The following ADAMTSL1 variants were observed in gnomAD, a reference collection of about 807,000 sequenced individuals.
ADAMTSL1 encodes ADAMTS-like protein 1.
Under a neutral mutation model 201.8 loss-of-function variants are expected in ADAMTSL1, and 126 were observed. The observed-to-expected ratio is 0.62, with a 90% CI of 0.54 to 0.72. The LOEUF (loss-of-function observed/expected upper bound fraction) is 0.72, where lower values mean the gene tolerates loss of function less well. ADAMTSL1 is among the 30% of genes least tolerant of loss of function. The pLI is 0.00. For missense variants in ADAMTSL1, 2,679 were observed against 2,277.8 expected, an observed-to-expected ratio of 1.18 and a Z score of -3.59; for synonymous variants, 1,121 against 903.4, an observed-to-expected ratio of 1.24 and a Z score of -4.32.
At chr9:18,776,014 C>A in intron 18 of ADAMTSL1, 118 bp downstream of exon 18, 1 of 1,328,392 alleles carries the variant, frequency 7.5e-7, no homozygotes, top group African/African-American at 1.5e-5. Flanking sequence ...GACAGTAGAA[C>A]CCCATGGAGG....
At chr9:18,376,322 G>A (rs538757511) in intron 2 of ADAMTSL1, among the ~76,000 whole-genome samples, 25 of 152,312 alleles carry the variant, frequency 1.6e-4, no homozygotes, top group Non-Finnish European at 3.1e-4. Flanking sequence ...ATGCAAGATT[G>A]CAAGGAAATG....
At chr9:18,400,133 A>C (rs778308688) in intron 2 of ADAMTSL1, among the ~76,000 whole-genome samples, 1 of 109,330 alleles carries the variant, frequency 9.1e-6, no homozygotes, top group African/African-American at 3.3e-5. Flanking sequence ...CCCTCTTTCC[A>C]AAGCCATTAA....
intron 4 of ADAMTSL1, among the ~76,000 whole-genome samples, chr9:18,614,100 G>A (rs2132623856): frequency 6.6e-6 from 1 of 152,286 alleles, no homozygotes; most frequent in East Asian, 1.9e-4. Flanking sequence ...TTGAAGAACA[G>A]CAAAGAGACT....
intron 2 of ADAMTSL1, among the ~76,000 whole-genome samples, chr9:18,411,443 C>T (rs1052028610): frequency 6.6e-6 from 1 of 152,110 alleles, no homozygotes; most frequent in Non-Finnish European, 1.5e-5. Context: ...AAGTGATCCA[C>T]CCACCTTGGC....
intron 1 of ADAMTSL1, among the ~76,000 whole-genome samples, chr9:18,040,199 T>A (rs1324047735): frequency 6.6e-6 from 1 of 152,172 alleles, no homozygotes; most frequent in East Asian, 1.9e-4. Flanking sequence ...TTCCCTTAAA[T>A]TGTGAATAAG....
chr9:18,677,924 G>A (rs1247641889), intron 10 of ADAMTSL1, among the ~76,000 whole-genome samples: 12 of 151,968 alleles, frequency 7.9e-5, no homozygotes, highest in Admixed American at 5.9e-4. Context: ...GTTTTCATTC[G>A]TAAGAAGAAT....
chr9:18,758,424 T>C (rs1819891659), intron 16 of ADAMTSL1, among the ~76,000 whole-genome samples: 1 of 152,194 alleles, frequency 6.6e-6, no homozygotes, highest in Non-Finnish European at 1.5e-5. Flanking sequence ...ACTTACTCTC[T>C]TATAGTTCTG....
chr9:18,193,130 T>G (rs913483256), intron 2 of ADAMTSL1, among the ~76,000 whole-genome samples: 1 of 152,100 alleles, frequency 6.6e-6, no homozygotes, highest in Admixed American at 6.6e-5. Context: ...CTGCTCTTGT[T>G]TGGGTTTCCC....
At chr9:18,683,597 G>C (rs542723579) in intron 12 of ADAMTSL1, among the ~76,000 whole-genome samples, 1 of 152,168 alleles carries the variant, frequency 6.6e-6, no homozygotes. Flanking sequence ...GTGTTGCTGT[G>C]TTTAAAATGT....
chr9:17,938,427 C>A (rs900911372), intron 1 of ADAMTSL1, among the ~76,000 whole-genome samples: 1 of 152,098 alleles, frequency 6.6e-6, no homozygotes, highest in African/African-American at 2.4e-5. Context: ...GGTACTATGC[C>A]GGGCATCTTT....
chr9:18,718,220 A>C (rs1344754833), intron 14 of ADAMTSL1: 2 of 769,042 alleles, frequency 2.6e-6, no homozygotes, highest in African/African-American at 3.4e-5. Flanking sequence ...CAGTGTCTTT[A>C]ACTCAAAGAA....
At chr9:18,505,296 T>C (rs1025817868) in intron 2 of ADAMTSL1, among the ~76,000 whole-genome samples, 8 of 152,246 alleles carry the variant, frequency 5.3e-5, no homozygotes, top group African/African-American at 1.9e-4. Context: ...CTATGACATA[T>C]TGTACAGTAT....
At chr9:18,210,994 A>G (rs1207368270) in intron 2 of ADAMTSL1, among the ~76,000 whole-genome samples, 1 of 151,766 alleles carries the variant, frequency 6.6e-6, no homozygotes, top group Admixed American at 6.6e-5. Flanking sequence ...GACAGAGGAG[A>G]GAAGCGACAA....
rs533100862 is a variant in ADAMTSL1 at position 18,839,804 on chromosome 9, C to T, written c.4249+9827C>T. Among the ~76,000 whole-genome samples, 1,247 of 151,834 alleles carry T rather than the reference C, an allele frequency of 8.2e-3. 9 individuals carry two copies. The highest frequency in any genetic ancestry group is 0.031 in the Middle Eastern group (9 of 294). ...TGGCCAGTGATGGTGAGCATTTTTT[C>T]ATGTGTTTTTTGGCTGCATAAATGT... On this transcript the variant is annotated intron_variant, in intron 23 of 28. Coordinates refer to ENST00000380548, the MANE Select transcript of ADAMTSL1 (RefSeq NM_001040272.6).
intron 1 of ADAMTSL1, among the ~76,000 whole-genome samples, chr9:18,478,094 C>G (rs1234626661): frequency 1.3e-5 from 2 of 152,110 alleles, no homozygotes; most frequent in Non-Finnish European, 2.9e-5. Flanking sequence ...AATTGGAAAG[C>G]AGTCTTCTAA....
intron 7 of ADAMTSL1, among the ~76,000 whole-genome samples, chr9:18,656,585 T>A (rs1035164875): frequency 1.6e-4 from 22 of 135,742 alleles, no homozygotes; most frequent in Non-Finnish European, 2.6e-4. Context: ...GCCGGGATGG[T>A]GCCACTACAC....
chr9:18,116,885 T>C (rs114680262), intron 1 of ADAMTSL1, among the ~76,000 whole-genome samples: 2,540 of 152,264 alleles, frequency 0.017, 81 homozygotes, highest in African/African-American at 0.058. Flanking sequence ...ACATCTCCAC[T>C]TATATTTCTA....
intron 2 of ADAMTSL1, among the ~76,000 whole-genome samples, chr9:18,528,734 G>T (rs1320215994): frequency 1.3e-5 from 2 of 152,018 alleles, no homozygotes; most frequent in East Asian, 3.9e-4. Flanking sequence ...TTTCATACTT[G>T]ACCCAGTTTC....
chr9:18,871,703 T>C (rs1395361677), intron 23 of ADAMTSL1, among the ~76,000 whole-genome samples: 1 of 152,206 alleles, frequency 6.6e-6, no homozygotes, highest in Non-Finnish European at 1.5e-5. Context: ...GTTCATGGTC[T>C]CACTCGTGTT....
Sources: gnomAD v4.1 joint callset for allele counts (sites outside exome capture counted in the v4.1 genomes callset) on GRCh38, gnomAD v4.1.1 for gene constraint, MANE v1.5 for transcripts, NCBI Gene and HGNC (gene_info 2026-07-23, HGNC 2026-07-21) for gene names.